The following SCLY variants were observed in gnomAD, a reference collection of about 807,000 sequenced individuals.
SCLY encodes the protein putative selenocysteine lyase.
A neutral mutation model predicts 50.1 loss-of-function variants in SCLY; 38 were observed. That is an observed-to-expected ratio of 0.76 (90% CI 0.59 to 0.99). The LOEUF (loss-of-function observed/expected upper bound fraction) is 0.99. Ranked by LOEUF, SCLY falls within the 50% of genes least tolerant of loss-of-function variation. The pLI, the probability that SCLY is intolerant of heterozygous loss-of-function variation, is 0.00. For synonymous variants in SCLY, 243 were observed against 249.4 expected, an observed-to-expected ratio of 0.97 and a Z score of 0.24; for missense variants, 600 against 620.0, an observed-to-expected ratio of 0.97 and a Z score of 0.34.
At chr2:238,073,148 A>G (rs2106440479) in intron 4 of SCLY, among the ~76,000 whole-genome samples, 1 of 152,298 alleles carries the variant, frequency 6.6e-6, no homozygotes, top group Non-Finnish European at 1.5e-5. Flanking sequence ...TGGCACCCTT[A>G]TTGAAAATCA....
chr2:238,065,668 T>TATTATTATTATTATC lies in SCLY; in HGVS notation c.202+1213_202+1214insCATTATTATTATTAT, dbSNP rs2065063820. Reference sequence around the variant, plus strand: ...AACTAATAATATTTTATTTTATTATTATTATTATTATTATTATTATTATTT... The same window carrying TATTATTATTATTATC: ...AACTAATAATATTTTATTTTATTATTATTATTATTATTATCATTATTATTATTATTATTATTATTT... On this transcript the variant is annotated intron_variant, in intron 2 of 11. Transcript: ENST00000254663. 4.7e-5 allele frequency among the ~76,000 whole-genome samples: 7 copies of TATTATTATTATTATC among 147,400 alleles called. No individual in the cohort carries two copies. In the South Asian group the frequency reaches 1.5e-3, roughly 31 times the overall value.
chr2:238,094,372 G>A (rs778940208), intron 9 of SCLY, 48 bp from the exon 10 acceptor site: 7 of 1,439,034 alleles, frequency 4.9e-6, no homozygotes, highest in Non-Finnish European at 6.8e-6. Flanking sequence ...AGTTGCTGGT[G>A]GTGGTGTCTT....
chr2:238,082,944 A>C, intron 6 of SCLY: 1 of 347,188 alleles, frequency 2.9e-6, no homozygotes, highest in South Asian at 3.0e-5. Context: ...TAAACCTGTG[A>C]TTCATATGAT....
chr2:238,062,366 T>G (rs2065026417), intron 1 of SCLY, among the ~76,000 whole-genome samples: 1 of 151,528 alleles, frequency 6.6e-6, no homozygotes, highest in African/African-American at 2.4e-5. Context: ...TGGTAAAGGA[T>G]GGCGAGTCAA....
chr2:238,096,259 C>T lies in SCLY; in HGVS notation c.1109-542C>T, dbSNP rs2065433719. ...TAGAGATAGGGTTTCCCTGTGTTGC[C>T]CAGGCTGGTCTCAAACTCCTGGCTC... On this transcript the variant is annotated intron_variant, in intron 10 of 11. Transcript: ENST00000254663. 5 of 169,458 alleles carry T rather than the reference C, an allele frequency of 3.0e-5. No homozygotes were observed. The South Asian group carries it at 6.7e-4, about 23-fold the overall frequency. The allele number at this position is 169,458 out of a possible 1,614,324, so 10.5% of individuals were successfully genotyped here.
rs371110477 is a variant in SCLY, at chr2:238,093,920, C to T, written c.981C>T (p.Arg327=). ...EAYEAHMRDV[R]DYLEERLEAE... ...ATGAGGCCCACATGAGGGACGTCCG[C>T]GACTACCTGGAAGAGAGGCTGGAAG... is the stretch of plus-strand genomic sequence containing the variant. The change falls in exon 9 of 12, where the codon CGC becomes CGT. Residue 327 remains arginine, a synonymous_variant. Coordinates refer to ENST00000254663, the MANE Select transcript of SCLY (RefSeq NM_016510.7). The T allele has an allele frequency of 8.1e-5, 131 of 1,613,896 alleles. No homozygotes were observed. The highest frequency in any genetic ancestry group is 1.0e-4 in the Non-Finnish European group (121 of 1,179,994).
At position 238,083,380 on chromosome 2, in the gene SCLY, C is replaced by CT. The variant is rs762140826; in HGVS notation, c.884+27dup. 2.1e-5 allele frequency: 30 copies of CT among 1,449,766 alleles called. No homozygotes were observed. Among genetic ancestry groups the CT allele is most frequent in the Non-Finnish European group, 2.8e-5 (29 of 1,030,616 alleles). The allele number at this position is 1,449,766 out of a possible 1,614,324, so 89.8% of individuals were successfully genotyped here. A position where few individuals can be genotyped will look rare whatever the true frequency, so the allele number is the denominator to read the frequency against. The stretch of plus-strand genomic sequence containing the variant: ...GTAAGGCAGAAAGTTAACAAAGTCT[C>CT]TGACCTACTGACCGTGTCATTTGTA... On this transcript the variant is annotated intron_variant, in intron 7 of 11. Coordinates refer to ENST00000254663, the MANE Select transcript of SCLY (RefSeq NM_016510.7). This position sits in a 1 kb window ranked among gnomAD's most constrained non-coding sequence, Gnocchi z 4.3.
rs775297154 is a variant in SCLY at position 238,081,707 on chromosome 2, A to G, written c.485-2A>G. The G allele has an allele frequency of 1.2e-6, 2 of 1,613,000 alleles. No homozygotes were observed. Among genetic ancestry groups the G allele is most frequent in the South Asian group, 1.1e-5 (1 of 91,032 alleles). On this transcript the variant is annotated splice_acceptor_variant, in intron 4 of 11. Coordinates refer to ENST00000254663, the MANE Select transcript of SCLY (RefSeq NM_016510.7). LOFTEE classifies it high-confidence loss of function. ...AGTTCGGTACTCATGTTTGTTTCCC[A>G]GCGGTCACCTTTGTCCCGGTGTCCA...
intron 10 of SCLY, among the ~76,000 whole-genome samples, 158 bp from the exon 11 acceptor site, chr2:238,096,643 G>A (rs2065439475): frequency 6.6e-6 from 1 of 152,252 alleles, no homozygotes; most frequent in Admixed American, 6.5e-5. Context: ...GGCTCCTGCT[G>A]TGAGATCTCT....
intron 4 of SCLY, among the ~76,000 whole-genome samples, chr2:238,072,440 G>A (rs2065136856): frequency 6.6e-6 from 1 of 152,200 alleles, no homozygotes; most frequent in Non-Finnish European, 1.5e-5. Flanking sequence ...ACAAATGTTA[G>A]GTAACTGTTT....
At chr2:238,068,286 T>C (rs766932864) in intron 3 of SCLY, 121 bp downstream of exon 3, 32 of 764,980 alleles carry the variant, frequency 4.2e-5, no homozygotes, top group Non-Finnish European at 6.3e-5. Context: ...TGGTGGCTCA[T>C]GCCTGTAATC....
chr2:238,097,572 CAGTGGTGGG>C (rs2065452657), intron 11 of SCLY, among the ~76,000 whole-genome samples: 3 of 151,972 alleles, frequency 2.0e-5, no homozygotes, highest in Non-Finnish European at 4.4e-5. Flanking sequence ...TGGAGCGAGA[CAGTGGTGGG>C]CCTGGCTCCA....
In SCLY at chr2:238,081,853, T is replaced by C. The variant is rs776135035; in HGVS notation, c.612+17T>C. 8 of 1,612,250 alleles carry C rather than the reference T, an allele frequency of 5.0e-6. No homozygotes were observed. Among genetic ancestry groups the C allele is most frequent in the Middle Eastern group, 1.7e-4 (1 of 6,054 alleles). Reference sequence around the variant, plus strand: ...ATTGTCATGGTGAGTCGGCCTTTGTTTCTCTTTAAGGAGAGCTCATGGGGA... The same window carrying C: ...ATTGTCATGGTGAGTCGGCCTTTGTCTCTCTTTAAGGAGAGCTCATGGGGA... On this transcript the variant is annotated intron_variant, in intron 5 of 11. Transcript: ENST00000254663.
chr2:238,082,911 A>T (rs1437974464), intron 6 of SCLY: 1 of 343,204 alleles, frequency 2.9e-6, no homozygotes. Context: ...CTATTTATGC[A>T]TTCTCTTTCT....
intron 8 of SCLY, chr2:238,091,455 ATTT>A: frequency 1.6e-6 from 1 of 607,490 alleles, no homozygotes; most frequent in Admixed American, 2.9e-5. Context: ...CTTGTTTAGC[ATTT>A]AAAAGGGAAA....
At chr2:238,082,411 G>C (rs1355023072) in intron 6 of SCLY, among the ~76,000 whole-genome samples, 1 of 152,226 alleles carries the variant, frequency 6.6e-6, no homozygotes. Context: ...CCATGGCAGG[G>C]ATGATGGGGG....
chr2:238,088,020 TG>T (rs952581625), intron 7 of SCLY, among the ~76,000 whole-genome samples: 4 of 152,254 alleles, frequency 2.6e-5, no homozygotes, highest in African/African-American at 7.2e-5. Context: ...TGAGTGAGCG[TG>T]GGAGGTCAAG....
chr2:238,081,972 C>G (rs1049605221), intron 5 of SCLY, 73 bp from the exon 6 acceptor site: 1 of 1,581,906 alleles, frequency 6.3e-7, no homozygotes, highest in Non-Finnish European at 8.6e-7. Flanking sequence ...CCTGCGCTCA[C>G]TACTCCTGAT....
At position 238,066,432 on chromosome 2, in the gene SCLY, A is replaced by G. The variant is rs1208308121; in HGVS notation, c.203-1633A>G. Among the ~76,000 whole-genome samples the G allele has an allele frequency of 6.6e-6, 1 of 152,240 alleles. No homozygotes were observed. The highest frequency in any genetic ancestry group is 2.4e-5 in the African/African-American group (1 of 41,462). ...CTGACGTAAGCAGCACTGACTGAGC[A>G]CCAGCTGTGTACTCAGCACCCTGTT... On this transcript the variant is annotated intron_variant, in intron 2 of 11. Transcript: ENST00000254663. This position sits in a 1 kb window ranked among gnomAD's most constrained non-coding sequence, Gnocchi z 4.1.
Sources: gnomAD v4.1 joint callset for allele counts (sites outside exome capture counted in the v4.1 genomes callset) on GRCh38, gnomAD v4.1.1 for gene constraint, Gnocchi (gnomAD v3.1) non-coding constraint, MANE v1.5 for transcripts, NCBI Gene and HGNC (gene_info 2026-07-23, HGNC 2026-07-21) for gene names.